Variants in CD55 observed in about 807,000 individuals in gnomAD.
CD55 encodes the protein CD55 molecule (Cromer blood group).
In CD55, 41 loss-of-function variants were observed where a neutral mutation model predicts 45.8. That is an observed-to-expected ratio of 0.90 (90% CI 0.70 to 1.16). CD55 has a LOEUF of 1.16. CD55 is among the 50% of genes most tolerant of loss of function. The pLI, the probability that CD55 is intolerant of heterozygous loss-of-function variation, is 0.00. For synonymous variants in CD55, 181 were observed against 181.1 expected, an observed-to-expected ratio of 1.00 and a Z score of 0.01; for missense variants, 416 against 469.8, an observed-to-expected ratio of 0.89 and a Z score of 1.06.
intron 9 of CD55, among the ~76,000 whole-genome samples, chr1:207,353,040 GTTTTTTTTTTTTTT>G (rs386369456): frequency 6.3e-5 from 3 of 47,406 alleles, no homozygotes; most frequent in Admixed American, 7.0e-4. Context: ...CTATTACCAG[GTTTTTTTTTTTTTT>G]TTTTTTTTTT....
chr1:207,353,432 C>T (rs1317810846), intron 9 of CD55, among the ~76,000 whole-genome samples: 1 of 152,066 alleles, frequency 6.6e-6, no homozygotes, highest in African/African-American at 2.4e-5. Flanking sequence ...ACTTATTTAT[C>T]CTTTAAACTT....
Position 207,354,177 on chromosome 1 carries a change from T to C in CD55, c.1082-5369T>C. The C allele has an allele frequency of 1.5e-6, 2 of 1,335,598 alleles. 1 individual carries two copies. Among genetic ancestry groups the C allele is most frequent in the East Asian group, 5.6e-5 (2 of 35,780 alleles). The allele number at this position is 1,335,598 out of a possible 1,614,324, so 82.7% of individuals were successfully genotyped here. ...ATATATTAATGTAGTATCTGTCTAATGTAAATTTTGTTTGATGAATATCAG... is the reference window on the plus strand; with the variant it reads ...ATATATTAATGTAGTATCTGTCTAACGTAAATTTTGTTTGATGAATATCAG... On this transcript the variant is annotated intron_variant, in intron 9 of 9. Transcript: ENST00000367064.
At chr1:207,344,208 A>G (rs1655539837) in intron 9 of CD55, among the ~76,000 whole-genome samples, 1 of 152,094 alleles carries the variant, frequency 6.6e-6, no homozygotes, top group South Asian at 2.1e-4. Context: ...TTATTAATTG[A>G]TTTCTGGTTG....
chr1:207,342,737 C>T (rs1655478483), intron 9 of CD55, among the ~76,000 whole-genome samples: 1 of 152,098 alleles, frequency 6.6e-6, no homozygotes, highest in Admixed American at 6.5e-5. Flanking sequence ...AAGTTTCCTC[C>T]TCTTCAATTT....
chr1:207,337,302 A>G (rs995959266), intron 7 of CD55, 27 bp from the exon 8 acceptor site: 2 of 1,450,704 alleles, frequency 1.4e-6, no homozygotes, highest in African/African-American at 1.4e-5. Flanking sequence ...AAGAGTACAC[A>G]AAGATTCCCT....
At chr1:207,336,936 C>A in intron 7 of CD55, 118 bp downstream of exon 7, 1 of 1,170,794 alleles carries the variant, frequency 8.5e-7, no homozygotes, top group African/African-American at 1.5e-5. Flanking sequence ...ATAGTCACAC[C>A]AACACCTTAG....
At chr1:207,355,397 A>G (rs1656040534) in intron 9 of CD55, among the ~76,000 whole-genome samples, 2 of 152,272 alleles carry the variant, frequency 1.3e-5, no homozygotes, top group South Asian at 4.1e-4. Context: ...AAAAGGGCAA[A>G]TGGGTGCATT....
At position 207,331,231 on chromosome 1, in the gene CD55, A is replaced by C. The variant is rs377294769; in HGVS notation, c.788A>C (p.His263Pro). The C allele has an allele frequency of 7.4e-6, 12 of 1,613,574 alleles. No homozygotes were observed. The highest frequency in any genetic ancestry group is 1.0e-5 in the Non-Finnish European group (12 of 1,179,684). Residue 263 changes from histidine to proline, a missense_variant, in exon 6 of 10, where the codon CAC becomes CCC. Coordinates refer to ENST00000367064, the MANE Select transcript of CD55 (RefSeq NM_000574.5). Reference protein sequence around the residue: ...CNKGFTMIGEHSIYCTVNNDE... With the variant: ...CNKGFTMIGEPSIYCTVNNDE... Reference sequence around the variant, plus strand: ...AAAGGATTCACCATGATTGGAGAGCACTCTATTTATTGTACTGTGAATAAT... The same window carrying C: ...AAAGGATTCACCATGATTGGAGAGCCCTCTATTTATTGTACTGTGAATAAT...
chr1:207,322,979 GTTATAC>G lies in CD55; in HGVS notation c.286+415_286+420del, dbSNP rs1654492430. Among the ~76,000 whole-genome samples, 3 of 152,134 alleles carry G rather than the reference GTTATAC, an allele frequency of 2.0e-5. 1 individual carries two copies. Among genetic ancestry groups the G allele is most frequent in the African/African-American group, 7.2e-5 (3 of 41,478 alleles). ...GCTCTCAATATTTACTTCAAAATCT[GTTATAC>G]TTGTACATATTTATAGGGTACATGT... is the stretch of plus-strand genomic sequence containing the variant. On this transcript the variant is annotated intron_variant, in intron 2 of 9. Coordinates refer to ENST00000367064, the MANE Select transcript of CD55 (RefSeq NM_000574.5).
chr1:207,330,299 G>A (rs1366991083), intron 5 of CD55, among the ~76,000 whole-genome samples: 1 of 150,120 alleles, frequency 6.7e-6, no homozygotes. Flanking sequence ...ACATAATTTG[G>A]CATACACACA....
chr1:207,327,377 T>C (rs1283622317), intron 5 of CD55, among the ~76,000 whole-genome samples: 1 of 152,188 alleles, frequency 6.6e-6, no homozygotes, highest in Non-Finnish European at 1.5e-5. Flanking sequence ...TGATATATTC[T>C]TATCATTAGA....
intron 5 of CD55, among the ~76,000 whole-genome samples, chr1:207,328,329 C>T (rs1258967786): frequency 1.3e-5 from 2 of 152,228 alleles, no homozygotes; most frequent in Non-Finnish European, 2.9e-5. Flanking sequence ...TAAGGCCTTA[C>T]TTCTTTCAGG....
chr1:207,339,524 C>G, intron 9 of CD55, 107 bp downstream of exon 9: 2 of 893,890 alleles, frequency 2.2e-6, no homozygotes, highest in Non-Finnish European at 3.5e-6. Context: ...AAAATGTATC[C>G]TGCAATTTAT....
intron 9 of CD55, among the ~76,000 whole-genome samples, chr1:207,341,542 TG>T (rs1478041284): frequency 2.8e-4 from 43 of 152,342 alleles, no homozygotes; most frequent in African/African-American, 9.9e-4. Context: ...TTGGCACCTT[TG>T]TAAAAAAATC....
intron 9 of CD55, among the ~76,000 whole-genome samples, chr1:207,348,768 A>G (rs1288342296): frequency 1.3e-5 from 2 of 152,170 alleles, no homozygotes; most frequent in African/African-American, 4.8e-5. Flanking sequence ...GTAGGGGTCC[A>G]TTTTCAATCT....
chr1:207,360,341 C>G lies in CD55; in HGVS notation c.*731C>G, dbSNP rs1250593622. 1.3e-5 allele frequency: 2 copies of G among 152,042 alleles called. No individual in the cohort carries two copies. The highest frequency in any genetic ancestry group is 2.9e-5 in the Non-Finnish European group (2 of 67,992). 9.4% of individuals were successfully genotyped at this position (152,042 alleles called of 1,614,324 possible). On this transcript the variant is annotated 3_prime_UTR_variant, in exon 10 of 10. Transcript: ENST00000367064. ...TATATTATTTCTGAATCGAGATGTC[C>G]ATAGTCAAATTTGTAAATCTTATTC...
intron 6 of CD55, among the ~76,000 whole-genome samples, chr1:207,335,840 T>A (rs1445402564): frequency 6.6e-6 from 1 of 152,158 alleles, no homozygotes; most frequent in African/African-American, 2.4e-5. Context: ...CACTGTGAAA[T>A]AGCTTACTCA....
intron 8 of CD55, among the ~76,000 whole-genome samples, chr1:207,338,014 T>A (rs1200369828): frequency 2.0e-5 from 3 of 152,222 alleles, no homozygotes; most frequent in African/African-American, 7.2e-5. Context: ...TTTTATATAT[T>A]TCATAATTGT....
At chr1:207,337,776 T>A (rs547334119) in intron 8 of CD55, 1 of 164,778 alleles carries the variant, frequency 6.1e-6, no homozygotes, top group Non-Finnish European at 1.3e-5. Context: ...GTCTGGTTCA[T>A]TGATAGAGAT....
Sources: gnomAD v4.1 joint callset for allele counts (sites outside exome capture counted in the v4.1 genomes callset) on GRCh38, gnomAD v4.1.1 for gene constraint, MANE v1.5 for transcripts, NCBI Gene and HGNC (gene_info 2026-07-23, HGNC 2026-07-21) for gene names.